ANO10: variants seen among roughly 807,000 people sequenced by gnomAD.
ANO10 encodes anoctamin-10.
ANO10 carries 77 observed loss-of-function variants against 74.7 expected under a neutral mutation model. The observed-to-expected ratio is 1.03, with a 90% CI of 0.86 to 1.25. ANO10 has a LOEUF of 1.25. Among genes scored for constraint, ANO10 ranks in the 50% most tolerant of loss-of-function variants. The probability of loss-of-function intolerance (pLI) is 0.00; values close to 1 mark genes in which losing one functional copy is unlikely to be tolerated. For synonymous variants in ANO10, 279 were observed against 284.9 expected (o/e 0.98, Z 0.21); for missense variants, 721 against 778.1 (o/e 0.93, Z 0.87).
At chr3:43,417,659 C>G (rs1393705393) in intron 12 of ANO10, among the ~76,000 whole-genome samples, 2 of 152,172 alleles carry the variant, frequency 1.3e-5, no homozygotes, top group African/African-American at 4.8e-5. Flanking sequence ...CACAATGTAG[C>G]TGCTTCAATA....
rs376983637 is a variant in ANO10, at chr3:43,434,866, A to G, written c.1798-2139T>C. On this transcript the variant is annotated intron_variant, in intron 11 of 12. Transcript: ENST00000292246. ...AGTTGGTATTGATTAGACAATATTA[A>G]TCAAAACAGGATGCCATTTTAAACA... is the stretch of plus-strand genomic sequence containing the variant. Among the ~76,000 whole-genome samples, 3 of 152,220 alleles carry G rather than the reference A, an allele frequency of 2.0e-5. No homozygotes were observed. The South Asian group carries it at 6.2e-4, about 31-fold the overall frequency.
chr3:43,654,187 C>T (rs1316000183), intron 1 of ANO10, among the ~76,000 whole-genome samples: 1 of 151,998 alleles, frequency 6.6e-6, no homozygotes, highest in Admixed American at 6.6e-5. Flanking sequence ...TGGAATTTGC[C>T]AACACAGGTT....
chr3:43,681,794 T>A (rs1221857116), intron 1 of ANO10, among the ~76,000 whole-genome samples: 1 of 152,188 alleles, frequency 6.6e-6, no homozygotes, highest in Non-Finnish European at 1.5e-5. Context: ...ACCGCTCAAC[T>A]ACGTGGAAAC....
chr3:43,447,561 G>A (rs979776308), intron 11 of ANO10, among the ~76,000 whole-genome samples: 1 of 152,170 alleles, frequency 6.6e-6, no homozygotes, highest in Admixed American at 6.5e-5. Flanking sequence ...TTGAGGGATT[G>A]GAGAAAAGGG....
chr3:43,579,178 A>G (rs1213791878), intron 5 of ANO10, among the ~76,000 whole-genome samples: 1 of 152,188 alleles, frequency 6.6e-6, no homozygotes, highest in African/African-American at 2.4e-5. Context: ...ATCCATATTG[A>G]CAAAATTTTA....
chr3:43,432,412 T>C lies in ANO10; in HGVS notation c.1914+199A>G, dbSNP rs1028357374. Reference sequence around the variant, plus strand: ...CATTGCCTGAATATTTTTGTTTCTTTAGTTTAGTTATTTAAACCTATTTGT... The same window carrying C: ...CATTGCCTGAATATTTTTGTTTCTTCAGTTTAGTTATTTAAACCTATTTGT... On this transcript the variant is annotated intron_variant, in intron 12 of 12. Transcript: ENST00000292246. Among the ~76,000 whole-genome samples, 6 of 152,232 alleles carry C rather than the reference T, an allele frequency of 3.9e-5. No individual in the cohort carries two copies. In the South Asian group the frequency reaches 6.2e-4, roughly 16 times the overall value.
At chr3:43,504,437 C>T (rs2077219086) in intron 11 of ANO10, among the ~76,000 whole-genome samples, 1 of 151,990 alleles carries the variant, frequency 6.6e-6, no homozygotes, top group African/African-American at 2.4e-5. Context: ...CATGAAATAT[C>T]TCTGCTAAGA....
intron 11 of ANO10, among the ~76,000 whole-genome samples, chr3:43,548,896 G>T (rs558803014): frequency 9.4e-4 from 143 of 152,270 alleles, no homozygotes; most frequent in Middle Eastern, 3.4e-3. Flanking sequence ...CAGACAGCCT[G>T]CTTGGGCTTT....
intron 11 of ANO10, among the ~76,000 whole-genome samples, chr3:43,545,896 T>C (rs935515709): frequency 5.9e-5 from 9 of 152,202 alleles, no homozygotes. Context: ...AACTGAATGG[T>C]AGCAAACCAA....
At chr3:43,477,107 C>T (rs2076094747) in intron 11 of ANO10, among the ~76,000 whole-genome samples, 1 of 152,172 alleles carries the variant, frequency 6.6e-6, no homozygotes, top group Admixed American at 6.5e-5. Context: ...TCAGTATTCT[C>T]CCTAGAGACA....
intron 1 of ANO10, among the ~76,000 whole-genome samples, chr3:43,613,273 C>G (rs186396681): frequency 2.4e-4 from 36 of 152,170 alleles, no homozygotes; most frequent in Non-Finnish European, 4.1e-4. Context: ...TGAAGGAAAT[C>G]AGATCAAGAC....
At chr3:43,369,717 GC>G in intron 12 of ANO10, among the ~76,000 whole-genome samples, 1 of 152,312 alleles carries the variant, frequency 6.6e-6, no homozygotes, top group African/African-American at 2.4e-5. Context: ...TCCCTGGGTT[GC>G]CTGTGCCCAC....
At chr3:43,423,389 T>A (rs1001651625) in intron 12 of ANO10, among the ~76,000 whole-genome samples, 1 of 152,236 alleles carries the variant, frequency 6.6e-6, no homozygotes, top group Admixed American at 6.5e-5. Flanking sequence ...CAGAGTCTAT[T>A]GGGCGCCAGG....
intron 1 of ANO10, among the ~76,000 whole-genome samples, chr3:43,659,458 C>T (rs2083895696): frequency 6.6e-6 from 1 of 152,194 alleles, no homozygotes; most frequent in South Asian, 2.1e-4. Flanking sequence ...TTGCTGCTAA[C>T]ACAGCAGTCT....
chr3:43,466,592 C>T (rs931940128), intron 11 of ANO10, among the ~76,000 whole-genome samples: 4 of 152,034 alleles, frequency 2.6e-5, no homozygotes, highest in African/African-American at 9.7e-5. Flanking sequence ...CTTAACCTCT[C>T]TCTCATACTA....
chr3:43,607,478 T>C (rs779888036), intron 1 of ANO10, among the ~76,000 whole-genome samples: 6 of 152,024 alleles, frequency 3.9e-5, no homozygotes, highest in Non-Finnish European at 8.8e-5. Context: ...CTGTTGGCCA[T>C]GGGAGGCTAG....
In ANO10 at chr3:43,366,021, G is replaced by A. The variant is rs1174742960; in HGVS notation, c.*885C>T. ...AGTCCATGGACACAGCTAGGGAGGT[G>A]GGCAGCACCACTGGGCAAGGAGGGC... is the stretch of plus-strand genomic sequence containing the variant. On this transcript the variant is annotated 3_prime_UTR_variant, in exon 13 of 13. Coordinates refer to ENST00000292246, the MANE Select transcript of ANO10 (RefSeq NM_018075.5). The A allele has an allele frequency of 6.5e-6, 1 of 152,710 alleles. No individual in the cohort carries two copies. The highest frequency in any genetic ancestry group is 6.5e-5 in the Admixed American group (1 of 15,298). The allele number at this position is 152,710 out of a possible 1,614,324, so 9.5% of individuals were successfully genotyped here.
chr3:43,415,802 A>G (rs1430588423), intron 12 of ANO10, among the ~76,000 whole-genome samples: 1 of 152,072 alleles, frequency 6.6e-6, no homozygotes, highest in African/African-American at 2.4e-5. Context: ...TCGGCCTCCC[A>G]AAGTGCTGGG....
chr3:43,611,953 A>G (rs1316274455), intron 1 of ANO10, among the ~76,000 whole-genome samples: 1 of 151,734 alleles, frequency 6.6e-6, no homozygotes, highest in African/African-American at 2.4e-5. Flanking sequence ...CACAAAAAAC[A>G]AAACACTTCC....
Sources: gnomAD v4.1 joint callset for allele counts (sites outside exome capture counted in the v4.1 genomes callset) on GRCh38, gnomAD v4.1.1 for gene constraint, MANE v1.5 for transcripts, NCBI Gene and HGNC (gene_info 2026-07-23, HGNC 2026-07-21) for gene names.